NHS: variants seen among roughly 807,000 people sequenced by gnomAD.
NHS encodes the protein NHS actin remodeling regulator.
In NHS, 5 loss-of-function variants were observed where a neutral mutation model predicts 72.5. The ratio of observed to expected loss-of-function variants is 0.07; its 90% confidence interval spans 0.04 to 0.14. The LOEUF is 0.14. NHS is among the 10% of genes least tolerant of loss of function. The pLI is 1.00. For missense variants in NHS, 1,072 were observed against 1,355.7 expected (o/e 0.79, Z 3.29); for synonymous variants, 464 against 547.7 (o/e 0.85, Z 2.13).
chrX:17,680,999 A>G (rs1318420945), intron 1 of NHS, among the ~76,000 whole-genome samples: 5 of 112,051 alleles, frequency 4.5e-5, no homozygotes, highest in Non-Finnish European at 9.4e-5. Flanking sequence ...GAGAGTTAGG[A>G]TCGCTGAGTC....
At chrX:17,537,987 A>G (rs2065237432) in intron 1 of NHS, among the ~76,000 whole-genome samples, 1 of 112,120 alleles carries the variant, frequency 8.9e-6, no homozygotes, top group Admixed American at 9.4e-5. Context: ...AGCCACGGGC[A>G]GGAGGGCTTC....
chrX:17,473,061 A>C (rs1252603029), intron 1 of NHS, among the ~76,000 whole-genome samples: 1 of 112,324 alleles, frequency 8.9e-6, no homozygotes, highest in East Asian at 2.8e-4. Context: ...TTTACCACAG[A>C]ATATCAAGAC....
chrX:17,735,436 G>T lies in NHS; in HGVS notation c.*2972G>T. 1 of 113,056 alleles carries T rather than the reference G, an allele frequency of 8.8e-6. No homozygotes were observed. Among genetic ancestry groups the T allele is most frequent in the Non-Finnish European group, 1.9e-5 (1 of 53,363 alleles). 9.3% of individuals were successfully genotyped at this position (113,056 alleles called of 1,213,427 possible). A position where few individuals can be genotyped will look rare whatever the true frequency, so the allele number is the denominator to read the frequency against. On this transcript the variant is annotated 3_prime_UTR_variant, in exon 9 of 9. Coordinates refer to ENST00000676302, the MANE Select transcript of NHS (RefSeq NM_001291867.2). ...TTTTGTTCTTTTATGTTTATACAAC[G>T]TATCTATGTTGTGTAGGGGAAATTT...
At chrX:17,446,147 T>C (rs760095197) in intron 1 of NHS, among the ~76,000 whole-genome samples, 1 of 110,666 alleles carries the variant, frequency 9.0e-6, no homozygotes, top group African/African-American at 3.3e-5. Context: ...GCTTAATCTC[T>C]CCCACTCTAG....
intron 1 of NHS, among the ~76,000 whole-genome samples, chrX:17,645,185 T>C (rs185377439): frequency 1.6e-4 from 18 of 111,856 alleles, no homozygotes; most frequent in Admixed American, 1.0e-3. Context: ...GTACTGGCAT[T>C]TAAAATTAAT....
chrX:17,420,037 C>A (rs1331721878), intron 1 of NHS, among the ~76,000 whole-genome samples: 1 of 111,411 alleles, frequency 9.0e-6, no homozygotes, highest in East Asian at 2.8e-4. Flanking sequence ...CCATAGTATT[C>A]TACCTCAGCA....
chrX:17,426,401 A>G (rs761731963), intron 1 of NHS, among the ~76,000 whole-genome samples: 1 of 111,418 alleles, frequency 9.0e-6, no homozygotes, highest in South Asian at 3.9e-4. Context: ...TCTCTCATCT[A>G]TTAAACTCGA....
chrX:17,466,001 G>A (rs1194505730), intron 1 of NHS, among the ~76,000 whole-genome samples: 1 of 113,289 alleles, frequency 8.8e-6, no homozygotes, highest in Admixed American at 9.3e-5. Context: ...CACTGGGTGT[G>A]TAAGCATGCC....
At chrX:17,567,748 G>T (rs1158055038) in intron 1 of NHS, among the ~76,000 whole-genome samples, 1 of 108,783 alleles carries the variant, frequency 9.2e-6, no homozygotes, top group Non-Finnish European at 1.9e-5. Context: ...GAGAGAGAAA[G>T]AGAGAAGGAG....
chrX:17,493,618 G>A (rs1292489475), intron 1 of NHS, among the ~76,000 whole-genome samples: 1 of 111,447 alleles, frequency 9.0e-6, no homozygotes, highest in African/African-American at 3.3e-5. Flanking sequence ...AAGTGAATGA[G>A]GAAAGGGAAG....
At chrX:17,482,598 A>G (rs2044424547) in intron 1 of NHS, among the ~76,000 whole-genome samples, 1 of 111,559 alleles carries the variant, frequency 9.0e-6, no homozygotes, top group African/African-American at 3.3e-5. Context: ...GACTCCAGAC[A>G]TAACTGTGGC....
intron 1 of NHS, among the ~76,000 whole-genome samples, chrX:17,617,396 A>C (rs2065752372): frequency 8.9e-6 from 1 of 112,551 alleles, no homozygotes; most frequent in Non-Finnish European, 1.9e-5. Context: ...TCAGTGCTTA[A>C]CTGCTTTTGG....
intron 1 of NHS, among the ~76,000 whole-genome samples, chrX:17,400,817 C>A (rs1474659992): frequency 9.0e-6 from 1 of 111,584 alleles, no homozygotes; most frequent in East Asian, 2.8e-4. Flanking sequence ...CTCCCTAAAT[C>A]AATATACAGA....
At chrX:17,567,159 G>A (rs767287200) in intron 1 of NHS, among the ~76,000 whole-genome samples, 51 of 112,225 alleles carry the variant, frequency 4.5e-4, no homozygotes, top group African/African-American at 1.6e-3. Context: ...TACAGAAACC[G>A]TAAAAGATAC....
At chrX:17,637,309 C>A (rs1016314110) in intron 1 of NHS, among the ~76,000 whole-genome samples, 1 of 111,955 alleles carries the variant, frequency 8.9e-6, no homozygotes, top group Non-Finnish European at 1.9e-5. Flanking sequence ...GATGAGAAAG[C>A]CTTTAGAATA....
chrX:17,435,219 C>T (rs1037331927), intron 1 of NHS, among the ~76,000 whole-genome samples: 1 of 111,617 alleles, frequency 9.0e-6, no homozygotes, highest in Non-Finnish European at 1.9e-5. Context: ...TTAAAAGAAA[C>T]TTTCCAGGTG....
rs775296862 is a variant in NHS at position 17,567,247 on chromosome X, A to T, written c.566-120495A>T. ...TTGTGTGCTGGGTGCTTGAAGAAAT[A>T]CGAATGTGGCAACTGCGTTTGAAGC... On this transcript the variant is annotated intron_variant, in intron 1 of 8. Transcript: ENST00000676302. Among the ~76,000 whole-genome samples the T allele has an allele frequency of 2.7e-5, 3 of 112,137 alleles. No homozygotes were observed. The Admixed American group carries it at 2.8e-4, about 11-fold the overall frequency.
At chrX:17,669,180 A>G (rs143988325) in intron 1 of NHS, among the ~76,000 whole-genome samples, 1,573 of 112,402 alleles carry the variant, frequency 0.014, 31 homozygotes, top group African/African-American at 0.049. Context: ...TTTGTCATCT[A>G]TCTCTCCCAG....
chrX:17,703,258 A>C, intron 3 of NHS, among the ~76,000 whole-genome samples: 1 of 111,848 alleles, frequency 8.9e-6, no homozygotes, highest in Non-Finnish European at 1.9e-5. Context: ...AGATCCTGCC[A>C]CTGCACTCCA....
Sources: gnomAD v4.1 joint callset for allele counts (sites outside exome capture counted in the v4.1 genomes callset) on GRCh38, gnomAD v4.1.1 for gene constraint, MANE v1.5 for transcripts, NCBI Gene and HGNC (gene_info 2026-07-23, HGNC 2026-07-21) for gene names.